The following KIAA0232 variants were observed in gnomAD, a reference collection of about 807,000 sequenced individuals.
KIAA0232 encodes the protein uncharacterized protein KIAA0232.
KIAA0232 carries 27 observed loss-of-function variants against 122.0 expected under a neutral mutation model. That is an observed-to-expected ratio of 0.22 (90% CI 0.16 to 0.31). KIAA0232 has a LOEUF of 0.31. Ranked by LOEUF, KIAA0232 falls within the 10% of genes least tolerant of loss-of-function variation. The pLI is 1.00. For missense variants in KIAA0232, 1,551 were observed against 1,634.2 expected, an observed-to-expected ratio of 0.95 and a Z score of 0.88; for synonymous variants, 613 against 587.6, an observed-to-expected ratio of 1.04 and a Z score of -0.63.
At chr4:6,832,236 C>T (rs1719024750) in intron 3 of KIAA0232, among the ~76,000 whole-genome samples, 1 of 152,294 alleles carries the variant, frequency 6.6e-6, no homozygotes, top group African/African-American at 2.4e-5. Context: ...CATTCTCAGC[C>T]CTCTTACCTA....
At chr4:6,834,257 A>G (rs1719145949) in intron 3 of KIAA0232, among the ~76,000 whole-genome samples, 1 of 152,150 alleles carries the variant, frequency 6.6e-6, no homozygotes, top group South Asian at 2.1e-4. Context: ...AAATTGTACA[A>G]ATTATGTGCA....
rs1214321964 is a variant in KIAA0232, at chr4:6,863,470, G to A, written c.3088G>A (p.Val1030Ile). ...DLLGACGNFQVEDPGLEYSFS... is the reference protein window; with the variant it reads ...DLLGACGNFQIEDPGLEYSFS... ...ACTAGGAGCTTGTGGCAACTTTCAAGTCGAAGATCCTGGACTTGAATACTC... is the reference window on the plus strand; with the variant it reads ...ACTAGGAGCTTGTGGCAACTTTCAAATCGAAGATCCTGGACTTGAATACTC... The change falls in exon 7 of 10, where the codon GTC becomes ATC. Residue 1030 changes from valine to isoleucine, a missense_variant. This residue lies in a region of KIAA0232 where 1,108 missense variants were observed against 1,154.8 expected (regional missense o/e 0.96). Coordinates refer to ENST00000307659, the MANE Select transcript of KIAA0232 (RefSeq NM_014743.3). 2 of 1,614,070 alleles carry A rather than the reference G, an allele frequency of 1.2e-6. No homozygotes were observed. Among genetic ancestry groups the A allele is most frequent in the Non-Finnish European group, 1.7e-6 (2 of 1,180,044 alleles).
intron 1 of KIAA0232, among the ~76,000 whole-genome samples, chr4:6,787,079 G>C (rs1716657322): frequency 6.6e-6 from 1 of 151,028 alleles, no homozygotes; most frequent in African/African-American, 2.4e-5. Context: ...TACTTGGGAG[G>C]CTGAGGCAGT....
intron 4 of KIAA0232, among the ~76,000 whole-genome samples, chr4:6,842,662 T>G (rs1466171018): frequency 1.3e-5 from 2 of 151,932 alleles, no homozygotes; most frequent in Non-Finnish European, 2.9e-5. Context: ...CTCAACTTAC[T>G]GCAACCTCTG....
chr4:6,878,090 G>A (rs1721848469), intron 9 of KIAA0232, among the ~76,000 whole-genome samples: 1 of 152,158 alleles, frequency 6.6e-6, no homozygotes, highest in Admixed American at 6.5e-5. Context: ...TAAATCTTAT[G>A]TCAGCCGGGC....
intron 2 of KIAA0232, among the ~76,000 whole-genome samples, chr4:6,808,067 CAAAA>C (rs1180504947): frequency 2.0e-5 from 3 of 150,818 alleles, no homozygotes; most frequent in African/African-American, 4.9e-5. Flanking sequence ...GACTATGTCT[CAAAA>C]AAGAAAAAAG....
chr4:6,802,345 G>A (rs571351825), intron 1 of KIAA0232, among the ~76,000 whole-genome samples: 2 of 152,194 alleles, frequency 1.3e-5, no homozygotes, highest in South Asian at 4.1e-4. Context: ...AGTACTTGAA[G>A]GGGCTGACGG....
chr4:6,810,745 G>C (rs1577364372), intron 2 of KIAA0232, among the ~76,000 whole-genome samples: 1 of 152,034 alleles, frequency 6.6e-6, no homozygotes, highest in Non-Finnish European at 1.5e-5. Context: ...GCAAAAACAA[G>C]AAGATCCCAT....
In KIAA0232 at chr4:6,881,331, A is replaced by G. The variant is rs933839616; in HGVS notation, c.*365A>G. ...TGACCTTACTAGCATTGCAGTGTCA[A>G]CAACCACTTCTGCTCTTCAGAGACT... On this transcript the variant is annotated 3_prime_UTR_variant, in exon 10 of 10. Coordinates refer to ENST00000307659, the MANE Select transcript of KIAA0232 (RefSeq NM_014743.3). 2 of 158,108 alleles carry G rather than the reference A, an allele frequency of 1.3e-5. No individual in the cohort carries two copies. The highest frequency in any genetic ancestry group is 4.8e-5 in the African/African-American group (2 of 41,676). The allele number at this position is 158,108 out of a possible 1,614,324, so 9.8% of individuals were successfully genotyped here. A position where few individuals can be genotyped will look rare whatever the true frequency, so the allele number is the denominator to read the frequency against.
At chr4:6,825,057 C>T (rs867799208) in intron 3 of KIAA0232, among the ~76,000 whole-genome samples, 10 of 152,124 alleles carry the variant, frequency 6.6e-5, no homozygotes, top group Admixed American at 3.9e-4. Flanking sequence ...TTAAACATTG[C>T]GTCTATTATA....
chr4:6,880,443 C>T (rs1393495938), intron 9 of KIAA0232, among the ~76,000 whole-genome samples: 3 of 152,402 alleles, frequency 2.0e-5, no homozygotes, highest in Admixed American at 6.5e-5. Flanking sequence ...ATCTCCCCAG[C>T]GAGCCTGGCA....
intron 1 of KIAA0232, among the ~76,000 whole-genome samples, chr4:6,793,684 T>C (rs1717006043): frequency 1.3e-5 from 2 of 152,230 alleles, no homozygotes; most frequent in Non-Finnish European, 1.5e-5. Flanking sequence ...CTAAGGATTC[T>C]TAGAAGTAGC....
rs759625084 is a variant in KIAA0232, at chr4:6,862,055, T to C, written c.1673T>C (p.Met558Thr). The change falls in exon 7 of 10, where the codon ATG becomes ACG. Residue 558 changes from methionine to threonine, a missense_variant. Met to Thr is a moderately conservative substitution (Grantham distance 81, BLOSUM62 -1). Transcript: ENST00000307659. ...EAECCIVLDG[M>T]ELQGERAIWT... Reference sequence around the variant, plus strand: ...GAATGTTGCATAGTGTTAGATGGTATGGAGTTGCAAGGGGAACGTGCAATA... The same window carrying C: ...GAATGTTGCATAGTGTTAGATGGTACGGAGTTGCAAGGGGAACGTGCAATA... 1.2e-6 allele frequency: 2 copies of C among 1,614,058 alleles called. No homozygotes were observed. Among genetic ancestry groups the C allele is most frequent in the Middle Eastern group, 1.6e-4 (1 of 6,084 alleles).
At chr4:6,845,662 T>C (rs896566784) in intron 4 of KIAA0232, among the ~76,000 whole-genome samples, 2 of 151,998 alleles carry the variant, frequency 1.3e-5, no homozygotes, top group Admixed American at 1.3e-4. Flanking sequence ...AGCTGCTGAG[T>C]TATAGTCGGA....
At chr4:6,874,088 A>T (rs1721629959) in intron 8 of KIAA0232, among the ~76,000 whole-genome samples, 1 of 152,216 alleles carries the variant, frequency 6.6e-6, no homozygotes, top group Non-Finnish European at 1.5e-5. Flanking sequence ...CTCAGAAAAG[A>T]GGCAGCTTGT....
chr4:6,842,049 G>A lies in KIAA0232; in HGVS notation c.232-18G>A. ...CAAGTTAGCCCTGGTCATTTAACCT[G>A]GTGCAATTTCATTGCAGGAGAATGA... is the stretch of plus-strand genomic sequence containing the variant. On this transcript the variant is annotated intron_variant, in intron 3 of 9. Transcript: ENST00000307659. 3 of 1,612,932 alleles carry A rather than the reference G, an allele frequency of 1.9e-6. No individual in the cohort carries two copies. Among genetic ancestry groups the A allele is most frequent in the Non-Finnish European group, 2.5e-6 (3 of 1,179,602 alleles).
intron 4 of KIAA0232, among the ~76,000 whole-genome samples, chr4:6,852,018 A>G (rs1720312438): frequency 6.6e-6 from 1 of 151,864 alleles, no homozygotes; most frequent in Middle Eastern, 3.2e-3. Flanking sequence ...GATATCCTCT[A>G]TTTTTTGTTG....
At chr4:6,792,343 C>G (rs145229840) in intron 1 of KIAA0232, among the ~76,000 whole-genome samples, 2 of 152,032 alleles carry the variant, frequency 1.3e-5, no homozygotes, top group Admixed American at 6.6e-5. Flanking sequence ...GTACATATGT[C>G]TTAGTGAACT....
intron 3 of KIAA0232, 96 bp downstream of exon 3, chr4:6,824,780 T>G (rs1011665637): frequency 9.9e-7 from 1 of 1,014,048 alleles, no homozygotes; most frequent in Non-Finnish European, 1.5e-6. Context: ...AACTGAGCTA[T>G]TCATGTGTGT....
Sources: gnomAD v4.1 joint callset for allele counts (sites outside exome capture counted in the v4.1 genomes callset) on GRCh38, gnomAD v4.1.1 for gene constraint, gnomAD v4.1.1 regional missense constraint, MANE v1.5 for transcripts, NCBI Gene and HGNC (gene_info 2026-07-23, HGNC 2026-07-21) for gene names.